CIAO3: variants seen among roughly 807,000 people sequenced by gnomAD.
CIAO3 encodes the protein LET1 like/JFP15.
Under a neutral mutation model 51.5 loss-of-function variants are expected in CIAO3, and 45 were observed. The observed-to-expected ratio is 0.87, with a 90% confidence interval of 0.69 to 1.12. The LOEUF (loss-of-function observed/expected upper bound fraction) is 1.12, where lower values mean the gene tolerates loss of function less well. Ranked by LOEUF, CIAO3 falls within the 50% of genes most tolerant of loss-of-function variation. The pLI, the probability that CIAO3 is intolerant of heterozygous loss-of-function variation, is 0.00. For missense variants in CIAO3, 668 were observed against 632.5 expected (o/e 1.06, Z -0.60); for synonymous variants, 314 against 269.3 (o/e 1.17, Z -1.63).
chr16:738,769 T>C (rs2041363900), intron 2 of CIAO3, among the ~76,000 whole-genome samples: 1 of 151,536 alleles, frequency 6.6e-6, no homozygotes, highest in South Asian at 2.1e-4. Flanking sequence ...TGCCTCACCC[T>C]CTTGAGTAGC....
intron 2 of CIAO3, chr16:738,189 GC>G: frequency 5.0e-6 from 5 of 996,740 alleles, no homozygotes; most frequent in Non-Finnish European, 6.0e-6. Context: ...TGCACCGACA[GC>G]CACGCCTACC....
intron 8 of CIAO3, 55 bp from the exon 9 acceptor site, chr16:731,757 C>G (rs72773426): frequency 2.7e-6 from 4 of 1,485,792 alleles, no homozygotes; most frequent in Admixed American, 4.4e-5. Context: ...GCCAACCTCC[C>G]GAGCAGGGCC....
chr16:734,437 C>T lies in CIAO3; in HGVS notation c.575-90G>A, dbSNP rs917655320. On this transcript the variant is annotated intron_variant, in intron 5 of 10. Coordinates refer to ENST00000251588, the MANE Select transcript of CIAO3 (RefSeq NM_022493.3). Reference sequence around the variant, plus strand: ...CAGCACGACATTCTGGGGGCGGGCCCGCTCATACAGGAGATCATGATGACA... The same window carrying T: ...CAGCACGACATTCTGGGGGCGGGCCTGCTCATACAGGAGATCATGATGACA... 6.7e-5 allele frequency: 64 copies of T among 955,774 alleles called. No individual in the cohort carries two copies. The Middle Eastern group carries it at 6.9e-4, about 10-fold the overall frequency. 59.2% of individuals were successfully genotyped at this position (955,774 alleles called of 1,614,324 possible). A position where few individuals can be genotyped will look rare whatever the true frequency, so the allele number is the denominator to read the frequency against.
intron 5 of CIAO3, 142 bp downstream of exon 5, chr16:734,595 G>A (rs745803789): frequency 2.1e-6 from 3 of 1,450,392 alleles, no homozygotes; most frequent in Non-Finnish European, 9.6e-7. Flanking sequence ...AAGGCCATTT[G>A]TGCCAACATT....
chr16:734,383 C>T (rs762101213), intron 5 of CIAO3, 36 bp from the exon 6 acceptor site: 14 of 1,485,716 alleles, frequency 9.4e-6, no homozygotes, highest in African/African-American at 1.4e-5. Context: ...CTGGCGGGGG[C>T]GCACGGCGGC....
rs2041323570 is a variant in CIAO3 at position 734,951 on chromosome 16, G to A, written c.440-80C>T. 2.1e-6 allele frequency: 3 copies of A among 1,455,496 alleles called. No homozygotes were observed. The South Asian group carries it at 4.2e-5, about 20-fold the overall frequency. 90.2% of individuals were successfully genotyped at this position (1,455,496 alleles called of 1,614,324 possible). On this transcript the variant is annotated intron_variant, in intron 4 of 10. Coordinates refer to ENST00000251588, the MANE Select transcript of CIAO3 (RefSeq NM_022493.3). ...ACACGCCGGCGTGTGGACCACCATGGTGCTGCCAGGGCACGTGTGTCGCAC... is the reference window on the plus strand; with the variant it reads ...ACACGCCGGCGTGTGGACCACCATGATGCTGCCAGGGCACGTGTGTCGCAC...
At chr16:732,077 C>T in intron 8 of CIAO3, 1 of 574,564 alleles carries the variant, frequency 1.7e-6, no homozygotes, top group Non-Finnish European at 3.1e-6. Context: ...GAGGTTTCAC[C>T]ATGTTGGCCG....
At chr16:736,508 C>T in intron 3 of CIAO3, 110 bp from the exon 4 acceptor site, 1 of 1,328,394 alleles carries the variant, frequency 7.5e-7, no homozygotes, top group Non-Finnish European at 1.0e-6. Flanking sequence ...AGGCCAGCTC[C>T]ATCAAGAGTC....
rs112746017 is a variant in CIAO3, at chr16:730,006, G to A, written c.*411C>T. ...AGCTCTGTCTCCCACCTTTTGCACA[G>A]AGCTTCAAGGGAAGCCTCCAGAAGT... is the stretch of plus-strand genomic sequence containing the variant. On this transcript the variant is annotated 3_prime_UTR_variant, in exon 11 of 11. Transcript: ENST00000251588. The A allele has an allele frequency of 5.8e-6, 2 of 343,178 alleles. No individual in the cohort carries two copies. The highest frequency in any genetic ancestry group is 8.1e-5 in the East Asian group (1 of 12,328). 21.3% of individuals were successfully genotyped at this position (343,178 alleles called of 1,614,324 possible).
In CIAO3 at chr16:730,379, A is replaced by G. The variant is rs1278966412; in HGVS notation, c.*38T>C. On this transcript the variant is annotated 3_prime_UTR_variant, in exon 11 of 11. Coordinates refer to ENST00000251588, the MANE Select transcript of CIAO3 (RefSeq NM_022493.3). ...GGGGCATGTGGTTCTGCTGTCACACATGGACACGGCCTCCTGGGAGTCCTG... is the reference window on the plus strand; with the variant it reads ...GGGGCATGTGGTTCTGCTGTCACACGTGGACACGGCCTCCTGGGAGTCCTG... 1.9e-6 allele frequency: 3 copies of G among 1,580,218 alleles called. No homozygotes were observed. Among genetic ancestry groups the G allele is most frequent in the Non-Finnish European group, 2.6e-6 (3 of 1,164,312 alleles).
chr16:738,839 G>T (rs901704004), intron 2 of CIAO3, among the ~76,000 whole-genome samples: 1 of 148,162 alleles, frequency 6.7e-6, no homozygotes, highest in South Asian at 2.1e-4. Flanking sequence ...GTACAGATGG[G>T]GGTTGGCCAG....
chr16:731,375 A>C (rs2041279790), intron 9 of CIAO3, 190 bp downstream of exon 9: 2 of 747,178 alleles, frequency 2.7e-6, no homozygotes, highest in South Asian at 4.4e-5. Flanking sequence ...TGAGGCCTGG[A>C]GTGCTTAGGT....
intron 6 of CIAO3, 196 bp downstream of exon 6, chr16:734,033 C>T (rs1273622887): frequency 1.7e-6 from 1 of 583,250 alleles, no homozygotes; most frequent in Non-Finnish European, 3.1e-6. Context: ...GCAGTGAGCA[C>T]CTCTGGATCA....
At chr16:730,730 G>A (rs1462769429) in intron 10 of CIAO3, 75 bp from the exon 11 acceptor site, 1 of 1,581,864 alleles carries the variant, frequency 6.3e-7, no homozygotes, top group Non-Finnish European at 8.6e-7. Flanking sequence ...GGAGCAGGGA[G>A]GTGACCGGGC....
At chr16:731,740 G>A in intron 8 of CIAO3, 38 bp from the exon 9 acceptor site, 2 of 1,506,232 alleles carry the variant, frequency 1.3e-6, no homozygotes, top group Non-Finnish European at 1.8e-6. Context: ...AGCTGGGGCT[G>A]CTGCCTGCCA....
chr16:739,966 C>G, intron 1 of CIAO3: 1 of 1,467,206 alleles, frequency 6.8e-7, no homozygotes, highest in South Asian at 1.2e-5. Context: ...TGCAGGAAGG[C>G]CAGTGCTAAC....
chr16:732,546 T>A, intron 7 of CIAO3, 173 bp from the exon 8 acceptor site: 2 of 741,670 alleles, frequency 2.7e-6, no homozygotes, highest in Non-Finnish European at 4.7e-6. Flanking sequence ...GAAGCCCCTC[T>A]GGAGGCTGCC....
At chr16:732,613 ATCTGTCCATCC>A (rs1267858097) in intron 7 of CIAO3, 2 of 632,442 alleles carry the variant, frequency 3.2e-6, no homozygotes, top group Non-Finnish European at 5.9e-6. Flanking sequence ...CCCAGTGTCC[ATCTGTCCATCC>A]TCTTAGGCAG....
Position 737,620 on chromosome 16 carries a change from A to T in CIAO3, c.163-291T>A. 1 of 1,385,182 alleles carries T rather than the reference A, an allele frequency of 7.2e-7. No individual in the cohort carries two copies. Among genetic ancestry groups the T allele is most frequent in the Non-Finnish European group, 9.5e-7 (1 of 1,051,962 alleles). 85.8% of individuals were successfully genotyped at this position (1,385,182 alleles called of 1,614,324 possible). A position where few individuals can be genotyped will look rare whatever the true frequency, so the allele number is the denominator to read the frequency against. ...AAAGCAGCAGCCACCCCACTCACCC[A>T]TGGGGCCCTGGACGGGGTGCTGGCC... On this transcript the variant is annotated intron_variant, in intron 2 of 10. Transcript: ENST00000251588. The surrounding 1 kb of genome is among the most constrained non-coding windows in gnomAD (Gnocchi z 5.3).
Sources: allele counts gnomAD v4.1 joint callset (sites outside exome capture counted in the v4.1 genomes callset), GRCh38; gene constraint gnomAD v4.1.1; non-coding constraint Gnocchi (gnomAD v3.1); transcripts MANE v1.5; gene names NCBI Gene and HGNC (gene_info 2026-07-23, HGNC 2026-07-21).